Variants in SLIT1 observed in about 807,000 individuals in gnomAD.
The protein encoded by SLIT1 is slit homolog 1 protein.
SLIT1 carries 66 observed loss-of-function variants against 186.1 expected under a neutral mutation model. The ratio of observed to expected loss-of-function variants is 0.35; its 90% CI spans 0.29 to 0.44. The LOEUF (loss-of-function observed/expected upper bound fraction) is 0.44, where lower values mean the gene tolerates loss of function less well. Ranked by LOEUF, SLIT1 falls within the 20% of genes least tolerant of loss-of-function variation. SLIT1 has a pLI of 1.00. For synonymous variants in SLIT1, 761 were observed against 833.8 expected (o/e 0.91, Z 1.50); for missense variants, 1,638 against 2,037.4 (o/e 0.80, Z 3.77).
intron 4 of SLIT1, among the ~76,000 whole-genome samples, chr10:97,122,004 T>C (rs1849563901): frequency 6.6e-6 from 1 of 152,178 alleles, no homozygotes; most frequent in Admixed American, 6.5e-5. Context: ...GAGAACAAGG[T>C]GTAGAAAGAT....
intron 4 of SLIT1, among the ~76,000 whole-genome samples, chr10:97,085,010 A>T (rs1203932572): frequency 7.4e-6 from 1 of 134,846 alleles, no homozygotes; most frequent in Non-Finnish European, 1.5e-5. Context: ...TGCAAGCTCC[A>T]CCTCCCAGGT....
At chr10:97,112,324 C>A (rs1318893641) in intron 4 of SLIT1, among the ~76,000 whole-genome samples, 3 of 152,246 alleles carry the variant, frequency 2.0e-5, no homozygotes, top group African/African-American at 7.2e-5. Flanking sequence ...CCCCTCAGCA[C>A]CAGCTCTCTC....
intron 2 of SLIT1, among the ~76,000 whole-genome samples, chr10:97,164,464 T>G (rs902468): frequency 0.18 from 27,004 of 151,206 alleles, 2,505 homozygotes; most frequent in African/African-American, 0.2. Context: ...AGGTTGGGGG[T>G]TTCTGGAGCA....
intron 13 of SLIT1, among the ~76,000 whole-genome samples, chr10:97,052,201 A>G (rs1848795871): frequency 1.3e-5 from 2 of 150,456 alleles, no homozygotes; most frequent in South Asian, 4.2e-4. Context: ...GGCTCAGGGA[A>G]TCCTCCCACC....
intron 4 of SLIT1, among the ~76,000 whole-genome samples, chr10:97,126,226 T>C (rs1467107746): frequency 6.6e-6 from 1 of 152,238 alleles, no homozygotes; most frequent in Non-Finnish European, 1.5e-5. Flanking sequence ...GTGTGAACAT[T>C]TGATGTAGCT....
intron 4 of SLIT1, among the ~76,000 whole-genome samples, chr10:97,099,356 C>T (rs921806945): frequency 6.6e-6 from 1 of 152,156 alleles, no homozygotes; most frequent in Non-Finnish European, 1.5e-5. Context: ...TCAGGTCGGC[C>T]ACCCAGAGCA....
chr10:97,078,731 C>A (rs12256571), intron 4 of SLIT1, among the ~76,000 whole-genome samples: 2,489 of 152,298 alleles, frequency 0.016, 71 homozygotes, highest in African/African-American at 0.054. Flanking sequence ...CAGCAGGCAA[C>A]GAGGGTGAAT....
Position 97,049,136 on chromosome 10 carries a change from A to T in SLIT1, c.1302-18T>A, listed in dbSNP as rs771413567. ...CCAGGTGCCTGTCCAAAGCAGGCAGATCAGCTATGAGAAACAAGGGCTGCA... is the reference window on the plus strand; with the variant it reads ...CCAGGTGCCTGTCCAAAGCAGGCAGTTCAGCTATGAGAAACAAGGGCTGCA... On this transcript the variant is annotated intron_variant, in intron 13 of 36. Coordinates refer to ENST00000266058, the MANE Select transcript of SLIT1 (RefSeq NM_003061.3). 1.2e-6 allele frequency: 2 copies of T among 1,609,026 alleles called. No individual in the cohort carries two copies. The highest frequency in any genetic ancestry group is 8.5e-7 in the Non-Finnish European group (1 of 1,178,506).
intron 4 of SLIT1, among the ~76,000 whole-genome samples, chr10:97,101,057 C>T (rs1295324255): frequency 2.6e-5 from 4 of 152,216 alleles, no homozygotes; most frequent in African/African-American, 4.8e-5. Flanking sequence ...GAGCCCTTAA[C>T]GTTGCCAGTG....
intron 4 of SLIT1, among the ~76,000 whole-genome samples, chr10:97,091,556 C>G (rs1849232009): frequency 6.6e-6 from 1 of 152,250 alleles, no homozygotes; most frequent in Non-Finnish European, 1.5e-5. Flanking sequence ...CTCAGCCCCC[C>G]AAATTCTCCT....
chr10:97,015,161 C>T (rs1383936722), intron 28 of SLIT1, among the ~76,000 whole-genome samples: 2 of 152,194 alleles, frequency 1.3e-5, no homozygotes, highest in Non-Finnish European at 2.9e-5. Context: ...CAGCTCAGAA[C>T]TCTAAAAAGG....
chr10:97,119,917 A>ATATATATATG (rs2134686232), intron 4 of SLIT1, among the ~76,000 whole-genome samples: 1 of 85,334 alleles, frequency 1.2e-5, no homozygotes, highest in Admixed American at 1.0e-4. Flanking sequence ...AAAGGGGTAT[A>ATATATATATG]TATATATATA....
rs565326937 is a variant in SLIT1 at position 97,043,542 on chromosome 10, G to C, written c.1854-29C>G. 15 of 1,596,946 alleles carry C rather than the reference G, an allele frequency of 9.4e-6. No individual in the cohort carries two copies. The Admixed American group carries it at 1.0e-4, about 11-fold the overall frequency. The stretch of plus-strand genomic sequence containing the variant: ...GGGAGGAACGGGGGAGGGAGGAGGG[G>C]ACCCTTGCTGCCCTGCCAGCCATCC... On this transcript the variant is annotated intron_variant, in intron 18 of 36. Coordinates refer to ENST00000266058, the MANE Select transcript of SLIT1 (RefSeq NM_003061.3). The surrounding 1 kb of genome is among the most constrained non-coding windows in gnomAD (Gnocchi z 7.0).
intron 13 of SLIT1, among the ~76,000 whole-genome samples, chr10:97,051,618 T>C (rs1848787570): frequency 6.6e-6 from 1 of 152,116 alleles, no homozygotes. Context: ...AAGATCAGCC[T>C]GATCAAGATG....
Position 97,004,936 on chromosome 10 carries a change from CG to C in SLIT1, c.3580-114del. 1.5e-6 allele frequency: 2 copies of C among 1,303,384 alleles called. No individual in the cohort carries two copies. Among genetic ancestry groups the C allele is most frequent in the Non-Finnish European group, 2.2e-6 (2 of 926,432 alleles). The allele number at this position is 1,303,384 out of a possible 1,614,324, so 80.7% of individuals were successfully genotyped here. ...TGGAAGAGAGATGCTCTGTGCAGAG[CG>C]CTCTTCCCCCACCTGGCCAGCCTCC... On this transcript the variant is annotated intron_variant, in intron 32 of 36. Coordinates refer to ENST00000266058, the MANE Select transcript of SLIT1 (RefSeq NM_003061.3). The surrounding 1 kb of genome is among the most constrained non-coding windows in gnomAD (Gnocchi z 5.1).
chr10:97,045,972 C>G (rs769708623), intron 18 of SLIT1, among the ~76,000 whole-genome samples: 31 of 152,182 alleles, frequency 2.0e-4, no homozygotes, highest in South Asian at 4.1e-4. Flanking sequence ...CACTGAGTAG[C>G]ACTAGCCACA....
chr10:97,111,149 T>A (rs1477089283), intron 4 of SLIT1, among the ~76,000 whole-genome samples: 1 of 151,292 alleles, frequency 6.6e-6, no homozygotes, highest in Admixed American at 6.6e-5. Context: ...GGGGTCGCAC[T>A]ACTGCACTCC....
intron 4 of SLIT1, among the ~76,000 whole-genome samples, chr10:97,128,145 G>A (rs1168717685): frequency 6.6e-6 from 1 of 151,910 alleles, no homozygotes; most frequent in African/African-American, 2.4e-5. Context: ...AGTGAGGCTG[G>A]CCTCAGCCCT....
At chr10:97,171,727 G>GA (rs1417740847) in intron 1 of SLIT1, among the ~76,000 whole-genome samples, 1 of 151,904 alleles carries the variant, frequency 6.6e-6, no homozygotes, top group African/African-American at 2.4e-5. Context: ...GCTGAGACAG[G>GA]AAAATCGCTT....
Sources: gnomAD v4.1 joint callset for allele counts (sites outside exome capture counted in the v4.1 genomes callset) on GRCh38, gnomAD v4.1.1 for gene constraint, Gnocchi (gnomAD v3.1) non-coding constraint, MANE v1.5 for transcripts, NCBI Gene and HGNC (gene_info 2026-07-23, HGNC 2026-07-21) for gene names.